NTRK3: variants seen among roughly 807,000 people sequenced by gnomAD.
The protein encoded by NTRK3 is NT-3 growth factor receptor.
Under a neutral mutation model 91.7 loss-of-function variants are expected in NTRK3, and 24 were observed. The observed-to-expected ratio is 0.26, with a 90% confidence interval of 0.19 to 0.37. The LOEUF (loss-of-function observed/expected upper bound fraction) is 0.37, where lower values mean the gene tolerates loss of function less well. Among genes scored for constraint, NTRK3 ranks in the 10% least tolerant of loss-of-function variants. The probability of loss-of-function intolerance (pLI) is 1.00; values close to 1 mark genes in which losing one functional copy is unlikely to be tolerated. For synonymous variants in NTRK3, 483 were observed against 404.0 expected (o/e 1.20, Z -2.34); for missense variants, 880 against 1,068.9 (o/e 0.82, Z 2.46).
chr15:87,982,116 A>G (rs2074334941), intron 14 of NTRK3, among the ~76,000 whole-genome samples: 1 of 152,312 alleles, frequency 6.6e-6, no homozygotes, highest in African/African-American at 2.4e-5. Context: ...AATGTCCCCG[A>G]AGCTGCCTTC....
chr15:88,166,507 A>G lies in NTRK3; in HGVS notation c.395+16911T>C, dbSNP rs191893224. Among the ~76,000 whole-genome samples, 2 of 152,328 alleles carry G rather than the reference A, an allele frequency of 1.3e-5. 1 individual carries two copies. Among genetic ancestry groups the G allele is most frequent in the East Asian group, 3.9e-4 (2 of 5,180 alleles). ...CGCTTCTCTCTGGGGAGCTGTTCAT[A>G]GTTCACTGCCCAGGAGGAAAGGGAG... On this transcript the variant is annotated intron_variant, in intron 5 of 18. Coordinates refer to ENST00000394480, the Ensembl canonical transcript of NTRK3.
At chr15:88,138,594 T>C (rs1203828158) in intron 6 of NTRK3, among the ~76,000 whole-genome samples, 2 of 152,158 alleles carry the variant, frequency 1.3e-5, no homozygotes, top group South Asian at 2.1e-4. Flanking sequence ...CCTTGGTGTC[T>C]GCAAGGTCAC....
chr15:87,964,883 C>T (rs888003703), intron 14 of NTRK3, among the ~76,000 whole-genome samples: 2 of 152,152 alleles, frequency 1.3e-5, no homozygotes, highest in Non-Finnish European at 2.9e-5. Flanking sequence ...CTCCATTCAC[C>T]AGTCAATAAA....
chr15:87,886,699 T>TATATATATATATATATATATAC (rs1265075771), intron 17 of NTRK3, among the ~76,000 whole-genome samples: 269 of 138,406 alleles, frequency 1.9e-3, no homozygotes, highest in African/African-American at 6.3e-3. Flanking sequence ...TATATATATA[T>TATATATATATATATATATATAC]ACATATATAC....
intron 5 of NTRK3, among the ~76,000 whole-genome samples, chr15:88,170,519 A>G (rs190528023): frequency 2.6e-4 from 40 of 152,356 alleles, no homozygotes; most frequent in African/African-American, 8.7e-4. Flanking sequence ...CTGTCCTCAC[A>G]ATAACCCTGT....
At chr15:88,147,034 AT>A (rs1360870090) in intron 6 of NTRK3, among the ~76,000 whole-genome samples, 2 of 152,136 alleles carry the variant, frequency 1.3e-5, no homozygotes, top group Non-Finnish European at 2.9e-5. Context: ...TTTATTATAA[AT>A]TCTTTATTAT....
chr15:87,902,968 A>G (rs886144277), intron 17 of NTRK3, among the ~76,000 whole-genome samples: 3 of 152,140 alleles, frequency 2.0e-5, no homozygotes, highest in African/African-American at 7.2e-5. Context: ...CTGGCCATAA[A>G]GCCTCACAGG....
chr15:87,917,745 G>A (rs774415738), intron 17 of NTRK3, among the ~76,000 whole-genome samples: 1 of 151,986 alleles, frequency 6.6e-6, no homozygotes, highest in Non-Finnish European at 1.5e-5. Flanking sequence ...AAAGAGTCTG[G>A]CACCACTCCT....
At chr15:88,084,770 C>T (rs1405514058) in intron 13 of NTRK3, among the ~76,000 whole-genome samples, 1 of 152,198 alleles carries the variant, frequency 6.6e-6, no homozygotes, top group Non-Finnish European at 1.5e-5. Flanking sequence ...TTTTCTTAAA[C>T]CTCAGGGAAG....
rs531740065 is a variant in NTRK3, at chr15:88,205,069, A to G, written c.249-20770T>C. ...AATCAGCATTCTCAGGAGTGCTGAG[A>G]AATTGGAGAGAAAGAAGAAAACAAT... On this transcript the variant is annotated intron_variant, in intron 3 of 18. Coordinates refer to ENST00000394480, the Ensembl canonical transcript of NTRK3. Among the ~76,000 whole-genome samples, 35 of 152,320 alleles carry G rather than the reference A, an allele frequency of 2.3e-4. No homozygotes were observed. The South Asian group carries it at 7.0e-3, about 31-fold the overall frequency.
chr15:88,107,362 G>C (rs1229208641), intron 13 of NTRK3, among the ~76,000 whole-genome samples: 2 of 152,192 alleles, frequency 1.3e-5, no homozygotes, highest in African/African-American at 4.8e-5. Flanking sequence ...AGGATCACTT[G>C]AGCCCAGGAG....
intron 17 of NTRK3, chr15:87,927,469 C>T (rs560748685): frequency 6.6e-6 from 1 of 152,168 alleles, no homozygotes; most frequent in Admixed American, 6.5e-5. Context: ...ACAGGACAAT[C>T]ATATCTATTT....
At chr15:88,096,911 A>T (rs1031970493) in intron 13 of NTRK3, among the ~76,000 whole-genome samples, 58 of 152,346 alleles carry the variant, frequency 3.8e-4, no homozygotes, top group African/African-American at 1.3e-3. Context: ...CCTGCACATC[A>T]AGTCCTTATC....
At chr15:87,936,907 T>G (rs770012530) in intron 15 of NTRK3, among the ~76,000 whole-genome samples, 12 of 152,204 alleles carry the variant, frequency 7.9e-5, no homozygotes, top group Non-Finnish European at 1.8e-4. Context: ...AAATCCAAAC[T>G]CCTTAACATA....
At chr15:88,001,034 T>C (rs1472042659) in intron 14 of NTRK3, among the ~76,000 whole-genome samples, 2 of 152,226 alleles carry the variant, frequency 1.3e-5, no homozygotes, top group Non-Finnish European at 2.9e-5. Flanking sequence ...ACATTTTTTA[T>C]TGTAACCATT....
At chr15:87,944,873 C>A (rs193160505) in intron 14 of NTRK3, among the ~76,000 whole-genome samples, 1 of 152,230 alleles carries the variant, frequency 6.6e-6, no homozygotes, top group South Asian at 2.1e-4. Context: ...TCACTTCTGA[C>A]GTCCACGCGT....
Position 88,056,967 on chromosome 15 carries a change from G to A in NTRK3, c.1397-23922C>T, listed in dbSNP as rs554361954. Among the ~76,000 whole-genome samples the A allele has an allele frequency of 1.1e-3, 168 of 151,620 alleles. 2 individuals are homozygous for A. The East Asian group carries it at 0.029, about 26-fold the overall frequency. On this transcript the variant is annotated intron_variant, in intron 13 of 18. Coordinates refer to ENST00000394480, the Ensembl canonical transcript of NTRK3. ...GGGCGGATCACGAGGTCAGGAGATC[G>A]AGACCATCCTCGCTAACACGGTGAA...
At chr15:87,902,742 C>G (rs2141663832) in intron 17 of NTRK3, among the ~76,000 whole-genome samples, 1 of 152,238 alleles carries the variant, frequency 6.6e-6, no homozygotes, top group African/African-American at 2.4e-5. Flanking sequence ...TGAGAAAACA[C>G]TAGAAAATTC....
At chr15:88,159,585 T>C (rs1439333147) in intron 5 of NTRK3, among the ~76,000 whole-genome samples, 6 of 152,136 alleles carry the variant, frequency 3.9e-5, no homozygotes. Context: ...TGACTTTGGC[T>C]CCAATCAAAT....
Sources: allele counts gnomAD v4.1 joint callset (sites outside exome capture counted in the v4.1 genomes callset), GRCh38; gene constraint gnomAD v4.1.1; transcripts MANE v1.5; gene names NCBI Gene and HGNC (gene_info 2026-07-23, HGNC 2026-07-21).